Variants in MGST1 observed in about 807,000 individuals in gnomAD.
MGST1 encodes microsomal glutathione S-transferase 1.
Under a neutral mutation model 8.9 loss-of-function variants are expected in MGST1, and 5 were observed. That is an observed-to-expected ratio of 0.56 (90% CI 0.29 to 1.19). The LOEUF is 1.19. Among genes scored for constraint, MGST1 ranks in the 50% most tolerant of loss-of-function variants. The pLI is 0.08. For synonymous variants in MGST1, 54 were observed against 67.8 expected, an observed-to-expected ratio of 0.80 and a Z score of 1.00; for missense variants, 182 against 187.4, an observed-to-expected ratio of 0.97 and a Z score of 0.17.
chr12:16,509,055 AT>A (rs1941559174), intron 4 of MGST1, among the ~76,000 whole-genome samples: 1 of 152,194 alleles, frequency 6.6e-6, no homozygotes, highest in Non-Finnish European at 1.5e-5. Context: ...TTGAATTAAT[AT>A]GAATTATTAA....
intron 4 of MGST1, among the ~76,000 whole-genome samples, chr12:16,509,027 C>T (rs540524252): frequency 9.2e-5 from 14 of 152,222 alleles, no homozygotes; most frequent in African/African-American, 3.4e-4. Context: ...ACTCCATTTG[C>T]CTCATTAACC....
Position 16,560,602 on chromosome 12 carries a change from G to C in MGST1, n.483-28926G>C. 6.9e-7 allele frequency: 1 copy of C among 1,447,750 alleles called. No homozygotes were observed. Among genetic ancestry groups the C allele is most frequent in the Admixed American group, 1.8e-5 (1 of 54,986 alleles). The allele number at this position is 1,447,750 out of a possible 1,614,324, so 89.7% of individuals were successfully genotyped here. A position where few individuals can be genotyped will look rare whatever the true frequency, so the allele number is the denominator to read the frequency against. On this transcript the variant is annotated intron_variant and non_coding_transcript_variant, in intron 4 of 4. Transcript: ENST00000538857. This position sits in a 1 kb window ranked among gnomAD's most constrained non-coding sequence, Gnocchi z 5.0. ...ACAGAGAAATCTGAGATCGTGAAGA[G>C]AGATGATGTTAATATACTCTGTAAA... is the stretch of plus-strand genomic sequence containing the variant.
downstream of MGST1, among the ~76,000 whole-genome samples, chr12:16,368,296 C>G (rs1040099541): frequency 6.6e-6 from 1 of 152,158 alleles, no homozygotes; most frequent in Non-Finnish European, 1.5e-5. Context: ...CACCTGAGAG[C>G]TCTACTTTAT....
At chr12:16,376,119 T>G in intron 3 of MGST1, 1 of 1,328,928 alleles carries the variant, frequency 7.5e-7, no homozygotes, top group South Asian at 1.3e-5. Context: ...TTTAATTGTT[T>G]AGAATCAAAC....
chr12:16,360,974 T>C (rs1192613993), intron 3 of MGST1, among the ~76,000 whole-genome samples: 1 of 141,328 alleles, frequency 7.1e-6, no homozygotes, highest in Non-Finnish European at 1.5e-5. Flanking sequence ...CAGGGGTTTA[T>C]AGTGTTCCCC....
chr12:16,553,660 G>A (rs890257166), intron 4 of MGST1, among the ~76,000 whole-genome samples: 9 of 152,094 alleles, frequency 5.9e-5, no homozygotes, highest in Non-Finnish European at 1.3e-4. Context: ...AGCCTTGAAA[G>A]CTGTGGTTAA....
In MGST1 at chr12:16,357,588, T is replaced by C; in HGVS notation, c.127-17T>C. 1 of 1,601,780 alleles carries C rather than the reference T, an allele frequency of 6.2e-7. No homozygotes were observed. Among genetic ancestry groups the C allele is most frequent in the Non-Finnish European group, 8.5e-7 (1 of 1,172,918 alleles). On this transcript the variant is annotated splice_polypyrimidine_tract_variant and intron_variant, in intron 2 of 3. Transcript: ENST00000396210. ...GCCAGTATTTGAAATAAGTTTTTTTTCTTGGTATTTGGATAGGTTTTTGCC... is the reference window on the plus strand; with the variant it reads ...GCCAGTATTTGAAATAAGTTTTTTTCCTTGGTATTTGGATAGGTTTTTGCC...
At chr12:16,520,611 T>C (rs969405826) in intron 4 of MGST1, among the ~76,000 whole-genome samples, 2 of 152,076 alleles carry the variant, frequency 1.3e-5, no homozygotes, top group African/African-American at 4.8e-5. Flanking sequence ...GGTTGGGCCA[T>C]AGGTTTTCGC....
rs1335349063 is a variant in MGST1 at position 16,547,425 on chromosome 12, G to C, written n.483-42103G>C. Among the ~76,000 whole-genome samples, 1 of 152,144 alleles carries C rather than the reference G, an allele frequency of 6.6e-6. No individual in the cohort carries two copies. Among genetic ancestry groups the C allele is most frequent in the Non-Finnish European group, 1.5e-5 (1 of 68,026 alleles). On this transcript the variant is annotated intron_variant and non_coding_transcript_variant, in intron 4 of 4. Coordinates refer to the MGST1 transcript ENST00000538857. This position sits in a 1 kb window ranked among gnomAD's most constrained non-coding sequence, Gnocchi z 4.6. ...AATTCTCTGAACACATTGATTACTT[G>C]AGATATTTTCTGGGGCTTTCATATC...
chr12:16,538,820 G>A (rs928840644), intron 4 of MGST1, among the ~76,000 whole-genome samples: 2 of 152,054 alleles, frequency 1.3e-5, no homozygotes, highest in Admixed American at 1.3e-4. Flanking sequence ...GTGTTAGCCA[G>A]GAGGGTATCG....
upstream of MGST1, among the ~76,000 whole-genome samples, chr12:16,382,319 A>G (rs1482648158): frequency 2.0e-5 from 3 of 151,800 alleles, no homozygotes; most frequent in African/African-American, 7.3e-5. Context: ...GGTTTTTGGT[A>G]TGGATGTCCT....
intron 4 of MGST1, among the ~76,000 whole-genome samples, chr12:16,515,264 C>A (rs1001984228): frequency 2.1e-4 from 32 of 152,160 alleles, no homozygotes; most frequent in Non-Finnish European, 4.3e-4. Flanking sequence ...CATTGCTGTT[C>A]TTTTCCTTAG....
At chr12:16,378,175 C>CTT (rs1940409785), downstream of MGST1, among the ~76,000 whole-genome samples, 1 of 152,104 alleles carries the variant, frequency 6.6e-6, no homozygotes, top group Non-Finnish European at 1.5e-5. Flanking sequence ...TCAATTTTGG[C>CTT]TTTTGTTGCC....
rs554176140 is a variant in MGST1 at position 16,517,239 on chromosome 12, T to C, written n.483-72289T>C. ...AGGCAGGTGCTATGATTTGAATGTG[T>C]CCCTCCAAGTTCATGTGTTGAAAAT... On this transcript the variant is annotated intron_variant and non_coding_transcript_variant, in intron 4 of 4. Transcript: ENST00000538857. This position sits in a 1 kb window ranked among gnomAD's most constrained non-coding sequence, Gnocchi z 4.2. Among the ~76,000 whole-genome samples the C allele has an allele frequency of 6.6e-6, 1 of 152,302 alleles. No homozygotes were observed. The highest frequency in any genetic ancestry group is 1.5e-5 in the Non-Finnish European group (1 of 68,018).
chr12:16,504,792 C>G (rs950883057), intron 4 of MGST1, among the ~76,000 whole-genome samples: 3 of 152,196 alleles, frequency 2.0e-5, no homozygotes, highest in Non-Finnish European at 4.4e-5. Flanking sequence ...CTCTTATCCC[C>G]TAAATAATCC....
chr12:16,400,432 T>C (rs1371729272), intron 1 of MGST1: 3 of 809,528 alleles, frequency 3.7e-6, no homozygotes, highest in Non-Finnish European at 6.7e-6. Flanking sequence ...TGGGCGAATG[T>C]ATAGATCTTT....
At position 16,513,881 on chromosome 12, in the gene MGST1, C is replaced by T; in HGVS notation, n.483-75647C>T. ...AAACCAACCTGGGGAAGTCGCACACCCATCTTCAGGGATACTGGCATGCAG... is the reference window on the plus strand; with the variant it reads ...AAACCAACCTGGGGAAGTCGCACACTCATCTTCAGGGATACTGGCATGCAG... On this transcript the variant is annotated intron_variant and non_coding_transcript_variant, in intron 4 of 4. Coordinates refer to the MGST1 transcript ENST00000538857. This position sits in a 1 kb window ranked among gnomAD's most constrained non-coding sequence, Gnocchi z 4.2. 1 of 605,348 alleles carries T rather than the reference C, an allele frequency of 1.7e-6. No homozygotes were observed. The highest frequency in any genetic ancestry group is 1.5e-5 in the South Asian group (1 of 66,350). 37.5% of individuals were successfully genotyped at this position (605,348 alleles called of 1,614,324 possible). A position where few individuals can be genotyped will look rare whatever the true frequency, so the allele number is the denominator to read the frequency against.
chr12:16,569,031 C>A (rs1942718469), intron 4 of MGST1, among the ~76,000 whole-genome samples: 1 of 152,120 alleles, frequency 6.6e-6, no homozygotes, highest in Non-Finnish European at 1.5e-5. Flanking sequence ...GATGACAATG[C>A]CCCACCTATT....
chr12:16,467,409 A>G (rs570689155), intron 4 of MGST1, among the ~76,000 whole-genome samples: 2 of 152,316 alleles, frequency 1.3e-5, no homozygotes, highest in Admixed American at 6.5e-5. Flanking sequence ...ATGTAAGTTG[A>G]ACATGTATAT....
Sources: gnomAD v4.1 joint callset for allele counts (sites outside exome capture counted in the v4.1 genomes callset) on GRCh38, gnomAD v4.1.1 for gene constraint, Gnocchi (gnomAD v3.1) non-coding constraint, MANE v1.5 for transcripts, NCBI Gene and HGNC (gene_info 2026-07-23, HGNC 2026-07-21) for gene names.